Variants in RNASE4 observed in about 807,000 individuals in gnomAD.
The protein encoded by RNASE4 is ribonuclease A family member 4.
For synonymous variants in RNASE4, 93 were observed against 71.4 expected, an observed-to-expected ratio of 1.30 and a Z score of -1.52; for missense variants, 194 against 192.8, an observed-to-expected ratio of 1.01 and a Z score of -0.04.
chr14:20,688,507 C>G (rs145497941), intron 1 of RNASE4, among the ~76,000 whole-genome samples: 25 of 152,226 alleles, frequency 1.6e-4, no homozygotes, highest in African/African-American at 3.9e-4. Context: ...AATAGGGAAA[C>G]CTCAGTCCTG....
At chr14:20,686,473 T>C (rs907002784) in intron 1 of RNASE4, among the ~76,000 whole-genome samples, 12 of 152,228 alleles carry the variant, frequency 7.9e-5, no homozygotes, top group Non-Finnish European at 2.9e-5. Flanking sequence ...AACCTTTCTT[T>C]AGGAGTTTTT....
intron 1 of RNASE4, chr14:20,694,085 C>T (rs1886980807): frequency 2.6e-6 from 4 of 1,537,912 alleles, no homozygotes; most frequent in Non-Finnish European, 3.6e-6. Flanking sequence ...ACAGTGGTGG[C>T]AACATTCATT....
rs539076082 is a variant in RNASE4 at position 20,700,837 on chromosome 14, G to A, written c.*1022G>A. The A allele has an allele frequency of 6.5e-6, 1 of 153,290 alleles. No homozygotes were observed. Among genetic ancestry groups the A allele is most frequent in the South Asian group, 2.0e-4 (1 of 4,936 alleles). 9.5% of individuals were successfully genotyped at this position (153,290 alleles called of 1,614,324 possible). ...ATATTTAGAAGCAAATTAGGGAGCT[G>A]TCAGGTCTCTGAGCCCAAGCCTGCA... On this transcript the variant is annotated 3_prime_UTR_variant, in exon 2 of 2. Transcript: ENST00000555835.
chr14:20,693,175 G>C (rs1473937466), intron 1 of RNASE4, among the ~76,000 whole-genome samples: 3 of 152,182 alleles, frequency 2.0e-5, no homozygotes, highest in Non-Finnish European at 4.4e-5. Context: ...ATGTGCCTCA[G>C]GACCTAGCAC....
At chr14:20,698,595 TG>T (rs1232088347) in intron 1 of RNASE4, among the ~76,000 whole-genome samples, 9 of 152,176 alleles carry the variant, frequency 5.9e-5, no homozygotes, top group African/African-American at 2.2e-4. Flanking sequence ...GAACTGTAAC[TG>T]GGTATTCTGG....
chr14:20,690,856 C>A (rs1453655711), intron 1 of RNASE4, among the ~76,000 whole-genome samples: 2 of 152,150 alleles, frequency 1.3e-5, no homozygotes, highest in East Asian at 3.8e-4. Flanking sequence ...GAATATACAC[C>A]AGTAAGAAAC....
chr14:20,695,394 C>CA (rs552960263), intron 1 of RNASE4, among the ~76,000 whole-genome samples: 3,423 of 114,592 alleles, frequency 0.03, 77 homozygotes, highest in Non-Finnish European at 0.038. Context: ...GACTCCATCT[C>CA]AAAAAAAAAA....
chr14:20,695,934 T>C (rs551296377), intron 1 of RNASE4, among the ~76,000 whole-genome samples: 1 of 152,224 alleles, frequency 6.6e-6, no homozygotes. Flanking sequence ...ATTCCAAACC[T>C]CTGTCACTAG....
At position 20,699,702 on chromosome 14, in the gene RNASE4, G is replaced by A; in HGVS notation, c.331G>A (p.Asp111Asn). The stretch of plus-strand genomic sequence containing the variant: ...TGTAGTGAAGGTCACAGATTGCAGG[G>A]ACACAGGAAGTTCCAGGGCACCCAA... ...EGVVKVTDCR[D>N]TGSSRAPNCR... The change falls in exon 2 of 2, where the codon GAC becomes AAC. Residue 111 changes from aspartate (D) to asparagine (N), a missense_variant. Transcript: ENST00000555835. 2 of 1,609,848 alleles carry A rather than the reference G, an allele frequency of 1.2e-6. No individual in the cohort carries two copies. Among genetic ancestry groups the A allele is most frequent in the Non-Finnish European group, 1.7e-6 (2 of 1,180,012 alleles).
intron 1 of RNASE4, among the ~76,000 whole-genome samples, chr14:20,691,994 C>T (rs913245157): frequency 4.6e-5 from 7 of 152,206 alleles, no homozygotes; most frequent in Admixed American, 3.9e-4. Context: ...ACAGCAATAT[C>T]CCCACAACTT....
At position 20,693,681 on chromosome 14, in the gene RNASE4, T is replaced by TCA; in HGVS notation, c.-17-5674_-17-5673insCA. 3 of 1,614,146 alleles carry TCA rather than the reference T, an allele frequency of 1.9e-6. No individual in the cohort carries two copies. Among genetic ancestry groups the TCA allele is most frequent in the Non-Finnish European group, 1.7e-6 (2 of 1,180,030 alleles). On this transcript the variant is annotated intron_variant, in intron 1 of 1. Transcript: ENST00000555835. ...CACACTTCCTGACCCAGCACTATGA[T>TCA]GCCAAACCACAGGGCCGGGATGACA...
rs1012740818 is a variant in RNASE4, at chr14:20,700,652, A to C, written c.*837A>C. The C allele has an allele frequency of 1.2e-5, 2 of 166,970 alleles. No homozygotes were observed. The highest frequency in any genetic ancestry group is 2.9e-5 in the Non-Finnish European group (2 of 68,116). The allele number at this position is 166,970 out of a possible 1,614,324, so 10.3% of individuals were successfully genotyped here. ...TTCTCTGACTTTTAAATTCTTGTTT[A>C]GTTTATAAACATGCATGCACCTTAA... On this transcript the variant is annotated 3_prime_UTR_variant, in exon 2 of 2. Coordinates refer to ENST00000555835, the MANE Select transcript of RNASE4 (RefSeq NM_002937.5).
rs1466423557 is a variant in RNASE4, at chr14:20,699,409, T to A, written c.38T>A (p.Leu13Ter). Residue 13 changes from leucine (L) to a stop codon, truncating the protein, a stop_gained, in exon 2 of 2, where the codon TTG becomes TAG. Transcript: ENST00000555835. LOFTEE classifies it low-confidence loss of function (END_TRUNC). ...AGGACCCATTCATTGCTTCTGCTTT[T>A]GCTGCTGACCCTGCTGGGGCTGGGG... is the stretch of plus-strand genomic sequence containing the variant. ...LQRTHSLLLL[L>*]LLTLLGLGLV... 2 of 1,608,454 alleles carry A rather than the reference T, an allele frequency of 1.2e-6. No homozygotes were observed. The highest frequency in any genetic ancestry group is 4.5e-5 in the East Asian group (2 of 44,712).
At chr14:20,689,360 A>C (rs1886584631) in intron 1 of RNASE4, among the ~76,000 whole-genome samples, 1 of 152,228 alleles carries the variant, frequency 6.6e-6, no homozygotes, top group Non-Finnish European at 1.5e-5. Context: ...GGGAAGAAGG[A>C]AGGAAAAGCA....
chr14:20,693,855 G>A (rs1222992575), intron 1 of RNASE4: 2 of 1,614,220 alleles, frequency 1.2e-6, no homozygotes, highest in Non-Finnish European at 1.7e-6. Flanking sequence ...GAATAAGCAA[G>A]TCTTCTTTCC....
intron 1 of RNASE4, among the ~76,000 whole-genome samples, chr14:20,693,279 G>T (rs1477051808): frequency 6.6e-6 from 1 of 152,224 alleles, no homozygotes. Flanking sequence ...GTAATGTTAC[G>T]ACTGATAGAG....
intron 1 of RNASE4, among the ~76,000 whole-genome samples, chr14:20,696,353 A>G (rs1887094366): frequency 6.6e-6 from 1 of 152,166 alleles, no homozygotes. Flanking sequence ...GTTCTATCAC[A>G]ACCACAAGCT....
chr14:20,693,072 C>T (rs1327489723), intron 1 of RNASE4, among the ~76,000 whole-genome samples: 5 of 151,968 alleles, frequency 3.3e-5, no homozygotes, highest in East Asian at 3.9e-4. Flanking sequence ...TGGTCTCGAT[C>T]TCCTGACCTC....
intron 1 of RNASE4, among the ~76,000 whole-genome samples, chr14:20,691,024 C>A (rs1387131043): frequency 1.3e-5 from 2 of 152,334 alleles, no homozygotes; most frequent in East Asian, 3.9e-4. Flanking sequence ...GCACTTATAT[C>A]TAATGAGGTG....
Sources: gnomAD v4.1 joint callset for allele counts (sites outside exome capture counted in the v4.1 genomes callset) on GRCh38, gnomAD v4.1.1 for gene constraint, MANE v1.5 for transcripts, NCBI Gene and HGNC (gene_info 2026-07-23, HGNC 2026-07-21) for gene names.